DBNDD2: variants seen among roughly 807,000 people sequenced by gnomAD.
DBNDD2 encodes dysbindin domain containing 2.
DBNDD2 carries 8 observed loss-of-function variants against 14.0 expected under a neutral mutation model. That is an observed-to-expected ratio of 0.57 (90% CI 0.33 to 1.03). The LOEUF (loss-of-function observed/expected upper bound fraction) is 1.03, where lower values mean the gene tolerates loss of function less well. Among genes scored for constraint, DBNDD2 ranks in the 50% least tolerant of loss-of-function variants. The probability of loss-of-function intolerance (pLI) is 0.03; values close to 1 mark genes in which losing one functional copy is unlikely to be tolerated. For missense variants in DBNDD2, 194 were observed against 206.0 expected (o/e 0.94, Z 0.36); for synonymous variants, 94 against 85.3 (o/e 1.10, Z -0.56).
At chr20:45,406,359 C>G, upstream of DBNDD2, 14 of 1,210,914 alleles carry the variant, frequency 1.2e-5, no homozygotes, top group Non-Finnish European at 1.6e-5. Context: ...GGGGCGGGGG[C>G]GCAGCAAGTG....
At chr20:45,406,648 C>G, upstream of DBNDD2, 1 of 1,355,578 alleles carries the variant, frequency 7.4e-7, no homozygotes, top group Non-Finnish European at 9.5e-7. Flanking sequence ...CAGCCCCACC[C>G]CGGCCGGCGC....
At chr20:45,409,840 C>T in intron 2 of DBNDD2, 92 bp from the exon 3 acceptor site, 1 of 1,333,562 alleles carries the variant, frequency 7.5e-7, no homozygotes, top group Non-Finnish European at 1.0e-6. Context: ...AGTCTCTGCC[C>T]CACTGTGGAC....
Position 45,408,294 on chromosome 20 carries a change from T to A in DBNDD2, c.-174T>A, listed in dbSNP as rs1309940161. The A allele has an allele frequency of 1.3e-5, 20 of 1,562,846 alleles. No individual in the cohort carries two copies. The highest frequency in any genetic ancestry group is 1.7e-5 in the Non-Finnish European group (20 of 1,153,502). On this transcript the variant is annotated 5_prime_UTR_variant, in exon 1 of 3. Coordinates refer to ENST00000372710, the MANE Select transcript of DBNDD2 (RefSeq NM_001048225.4). The stretch of plus-strand genomic sequence containing the variant: ...TGAGACTTGGTTTGTGGGACACACT[T>A]GGTTTCAGGGAAGGGGAAAGAGGTC...
Position 45,408,467 on chromosome 20 carries a change from C to G in DBNDD2, c.-1C>G, listed in dbSNP as rs1247171368. ...TTGCTCCTCTACCCGCAGGAGCTGA[C>G]ATGGACCCAAATCCTCGGGCCGCCC... On this transcript the variant is annotated 5_prime_UTR_variant, in exon 1 of 3. Transcript: ENST00000372710. 1.9e-6 allele frequency: 3 copies of G among 1,614,160 alleles called. No homozygotes were observed. The highest frequency in any genetic ancestry group is 2.7e-5 in the African/African-American group (2 of 74,952).
chr20:45,406,399 G>A, upstream of DBNDD2: 1 of 1,453,860 alleles, frequency 6.9e-7, no homozygotes, highest in East Asian at 3.0e-5. Context: ...TAGCGCACCG[G>A]CGTCGGTGGC....
At chr20:45,406,843 C>T, upstream of DBNDD2, 1 of 1,200,718 alleles carries the variant, frequency 8.3e-7, no homozygotes, top group Middle Eastern at 3.2e-4. Flanking sequence ...TCCGCCGACG[C>T]CTCGTGTCCC....
rs1989757114 is a variant in DBNDD2, at chr20:45,410,013, C to T, written c.359C>T (p.Ser120Phe). ...RTTSRTSSSSSSDSSTNLHSP... is the reference protein window; with the variant it reads ...RTTSRTSSSSFSDSSTNLHSP... ...ACATCTAGGACCTCCTCCTCCTCCTCCTCCGACTCCTCCACCAACCTGCAT... is the reference window on the plus strand; with the variant it reads ...ACATCTAGGACCTCCTCCTCCTCCTTCTCCGACTCCTCCACCAACCTGCAT... Residue 120 changes from serine to phenylalanine, a missense_variant, in exon 3 of 3, where the codon TCC (serine) becomes TTC (phenylalanine). By Grantham distance (155) the Ser-to-Phe change is radical (BLOSUM62 -2). Transcript: ENST00000372710. 1 of 1,551,934 alleles carries T rather than the reference C, an allele frequency of 6.4e-7. No homozygotes were observed. The highest frequency in any genetic ancestry group is 8.7e-7 in the Non-Finnish European group (1 of 1,147,086).
rs1193624651 is a variant in DBNDD2, at chr20:45,409,871, TA to T, written c.278-59del. The stretch of plus-strand genomic sequence containing the variant: ...TGGACTTTAGTTACTCCTGGCCAGA[TA>T]ATCTTTAAGAGTTCTCTGAAGCCCT... On this transcript the variant is annotated intron_variant, in intron 2 of 2. Coordinates refer to ENST00000372710, the MANE Select transcript of DBNDD2 (RefSeq NM_001048225.4). The T allele has an allele frequency of 2.3e-5, 35 of 1,517,052 alleles. No homozygotes were observed. The African/African-American group carries it at 4.4e-4, about 19-fold the overall frequency. The allele number at this position is 1,517,052 out of a possible 1,614,324, so 94.0% of individuals were successfully genotyped here.
chr20:45,406,828 C>T (rs1475037542), upstream of DBNDD2: 3 of 1,209,444 alleles, frequency 2.5e-6, no homozygotes, highest in East Asian at 1.0e-4. Flanking sequence ...GCCCTCCCCC[C>T]GTCCTCCGCC....
chr20:45,410,255 G>A lies in DBNDD2; in HGVS notation c.*115G>A. ...CTCTTTACTTGCAGTAGGCACCAGA[G>A]GTGGGAAGGATGGTGGGATTGTGTA... On this transcript the variant is annotated 3_prime_UTR_variant, in exon 3 of 3. Transcript: ENST00000372710. 8.9e-7 allele frequency: 1 copy of A among 1,127,276 alleles called. No individual in the cohort carries two copies. The highest frequency in any genetic ancestry group is 1.3e-6 in the Non-Finnish European group (1 of 788,890). The allele number at this position is 1,127,276 out of a possible 1,614,324, so 69.8% of individuals were successfully genotyped here.
chr20:45,410,267 G>C lies in DBNDD2; in HGVS notation c.*127G>C. ...AGTAGGCACCAGAGGTGGGAAGGAT[G>C]GTGGGATTGTGTACCTTTCTAAGAA... On this transcript the variant is annotated 3_prime_UTR_variant, in exon 3 of 3. Coordinates refer to ENST00000372710, the MANE Select transcript of DBNDD2 (RefSeq NM_001048225.4). 9.6e-7 allele frequency: 1 copy of C among 1,036,514 alleles called. No homozygotes were observed. 64.2% of individuals were successfully genotyped at this position (1,036,514 alleles called of 1,614,324 possible).
chr20:45,407,997 G>A (rs1360742971), upstream of DBNDD2: 2 of 1,419,658 alleles, frequency 1.4e-6, no homozygotes, highest in African/African-American at 1.4e-5. Flanking sequence ...GATGGGAAGG[G>A]GTGGGCTGCA....
At chr20:45,409,126 C>A (rs1402016469) in intron 2 of DBNDD2, 188 bp downstream of exon 2, 3 of 1,065,174 alleles carry the variant, frequency 2.8e-6, no homozygotes, top group Non-Finnish European at 4.0e-6. Context: ...CTGGGTTACA[C>A]ATCTCTAATC....
Position 45,410,378 on chromosome 20 carries a change from A to G in DBNDD2, c.*238A>G, listed in dbSNP as rs1185486947. 5 of 536,626 alleles carry G rather than the reference A, an allele frequency of 9.3e-6. No individual in the cohort carries two copies. Among genetic ancestry groups the G allele is most frequent in the Non-Finnish European group, 1.7e-5 (5 of 298,458 alleles). 33.2% of individuals were successfully genotyped at this position (536,626 alleles called of 1,614,324 possible). A position where few individuals can be genotyped will look rare whatever the true frequency, so the allele number is the denominator to read the frequency against. ...GCTTACTCCTGAGATATGATTTGCA[A>G]ATGAGGAGAGAGAAGATGAGGTTGG... On this transcript the variant is annotated 3_prime_UTR_variant, in exon 3 of 3. Transcript: ENST00000372710.
At chr20:45,407,638 G>A (rs1363086347), upstream of DBNDD2, 1 of 988,566 alleles carries the variant, frequency 1.0e-6, no homozygotes, top group East Asian at 1.1e-4. Flanking sequence ...CTTTCCAATT[G>A]CTCCTCACTG....
At chr20:45,409,022 T>G in intron 2 of DBNDD2, 84 bp downstream of exon 2, 1 of 1,613,524 alleles carries the variant, frequency 6.2e-7, no homozygotes, top group Non-Finnish European at 8.5e-7. Flanking sequence ...AAGGCTGGGC[T>G]GGGGAAGTAC....
At chr20:45,406,573 G>T, upstream of DBNDD2, 2 of 1,469,066 alleles carry the variant, frequency 1.4e-6, no homozygotes, top group Non-Finnish European at 1.8e-6. Context: ...CCCCACTTCC[G>T]CCTCCCGCCT....
rs772105366 is a variant in DBNDD2 at position 45,408,332 on chromosome 20, G to A, written c.-136G>A. On this transcript the variant is annotated 5_prime_UTR_variant, in exon 1 of 3. Transcript: ENST00000372710. The stretch of plus-strand genomic sequence containing the variant: ...GGGGAAAGAGGTCACCAAGGGCAGA[G>A]GTGTCCAGGCCGGAGCCAGGGGCCC... The A allele has an allele frequency of 2.5e-6, 4 of 1,601,446 alleles. No individual in the cohort carries two copies. In the Admixed American group the frequency reaches 5.2e-5, roughly 21 times the overall value.
At chr20:45,407,823 A>C, upstream of DBNDD2, 1 of 1,072,032 alleles carries the variant, frequency 9.3e-7, no homozygotes, top group South Asian at 4.0e-5. Flanking sequence ...CTAAGACCAG[A>C]AAGGTGATTT....
Sources: allele counts gnomAD v4.1 joint callset, GRCh38; gene constraint gnomAD v4.1.1; transcripts MANE v1.5; gene names NCBI Gene and HGNC (gene_info 2026-07-23, HGNC 2026-07-21).